CCDC171: variants seen among roughly 807,000 people sequenced by gnomAD.
The protein encoded by CCDC171 is coiled-coil domain containing 171.
In CCDC171, 177 loss-of-function variants were observed where a neutral mutation model predicts 168.2. The observed-to-expected ratio is 1.05, with a 90% CI of 0.93 to 1.19. The LOEUF is 1.19. CCDC171 is among the 50% of genes most tolerant of loss of function. The pLI, the probability that CCDC171 is intolerant of heterozygous loss-of-function variation, is 0.00. For missense variants in CCDC171, 1,991 were observed against 1,539.0 expected (o/e 1.29, Z -4.91); for synonymous variants, 687 against 540.8 (o/e 1.27, Z -3.75).
At chr9:15,676,353 C>T (rs1018737917) in intron 9 of CCDC171, among the ~76,000 whole-genome samples, 10 of 152,028 alleles carry the variant, frequency 6.6e-5, no homozygotes, top group African/African-American at 2.2e-4. Context: ...TTGTTATTAC[C>T]GACCTTCTGA....
chr9:15,579,007 C>A lies in CCDC171; in HGVS notation c.336C>A (p.Ile112=), dbSNP rs771541600. 6.2e-7 allele frequency: 1 copy of A among 1,613,244 alleles called. No homozygotes were observed. The highest frequency in any genetic ancestry group is 1.1e-5 in the South Asian group (1 of 90,988). ...AEERLAEAHR[I]QEKLCAQNSE... ...AAAGATTAGCCGAGGCACATAGGAT[C>A]CAAGAAAAACTCTGTGGTAAGACTG... The change falls in exon 4 of 26, where the codon ATC becomes ATA. Residue 112 remains isoleucine, a synonymous_variant. Transcript: ENST00000380701.
chr9:15,908,872 C>T (rs192560028), intron 24 of CCDC171, among the ~76,000 whole-genome samples: 8 of 152,180 alleles, frequency 5.3e-5, no homozygotes, highest in East Asian at 1.9e-4. Context: ...GAGGGATCTC[C>T]GCTCATGATC....
chr9:15,630,300 A>G (rs990566715), intron 7 of CCDC171, among the ~76,000 whole-genome samples: 4 of 152,230 alleles, frequency 2.6e-5, no homozygotes, highest in Admixed American at 2.6e-4. Flanking sequence ...GCAGAGACAC[A>G]CATAGGCTCA....
At chr9:15,597,315 G>C (rs927579059) in intron 6 of CCDC171, among the ~76,000 whole-genome samples, 8 of 152,174 alleles carry the variant, frequency 5.3e-5, no homozygotes, top group African/African-American at 1.9e-4. Flanking sequence ...TTTGAGATAC[G>C]TCCCATCAAT....
chr9:15,917,279 T>TA (rs1824660300), intron 24 of CCDC171, among the ~76,000 whole-genome samples: 1 of 151,912 alleles, frequency 6.6e-6, no homozygotes, highest in Non-Finnish European at 1.5e-5. Flanking sequence ...AAGGAGACTT[T>TA]TGTTTAGAAG....
intron 24 of CCDC171, among the ~76,000 whole-genome samples, chr9:15,883,453 T>TTGAGAG (rs1818984066): frequency 6.6e-6 from 1 of 152,186 alleles, no homozygotes; most frequent in South Asian, 2.1e-4. Context: ...CTTCTGTCTC[T>TTGAGAG]CAACTCCTTC....
At chr9:15,583,114 G>T (rs2041263085) in intron 4 of CCDC171, among the ~76,000 whole-genome samples, 2 of 152,010 alleles carry the variant, frequency 1.3e-5, no homozygotes, top group Non-Finnish European at 2.9e-5. Context: ...ACCAATGAGT[G>T]GATAAAGAAA....
intron 18 of CCDC171, among the ~76,000 whole-genome samples, chr9:15,752,169 G>C (rs2055792989): frequency 6.6e-6 from 1 of 152,158 alleles, no homozygotes; most frequent in South Asian, 2.1e-4. Context: ...ATCATCACTG[G>C]TCATCAGAGA....
At chr9:15,707,960 G>A (rs1048158261) in intron 11 of CCDC171, among the ~76,000 whole-genome samples, 1 of 152,166 alleles carries the variant, frequency 6.6e-6, no homozygotes, top group African/African-American at 2.4e-5. Flanking sequence ...CACTTCTCCA[G>A]CCTCAGCCTC....
At chr9:15,756,059 G>A (rs1370260644) in intron 18 of CCDC171, among the ~76,000 whole-genome samples, 1 of 152,136 alleles carries the variant, frequency 6.6e-6, no homozygotes, top group Non-Finnish European at 1.5e-5. Flanking sequence ...TTACCCAGCA[G>A]TTTTCTCTTC....
In CCDC171 at chr9:15,722,715, C is replaced by T. The variant is rs182648789; in HGVS notation, c.1425+840C>T. Among the ~76,000 whole-genome samples the T allele has an allele frequency of 3.0e-3, 453 of 152,168 alleles. 2 individuals are homozygous for T. The highest frequency in any genetic ancestry group is 4.6e-3 in the Non-Finnish European group (315 of 68,004). ...ACGGTTACATTTCACATTTCATATG[C>T]GGCTTATTTTATTTTAGCTTGCTAA... On this transcript the variant is annotated intron_variant, in intron 12 of 25. Transcript: ENST00000380701.
intron 24 of CCDC171, among the ~76,000 whole-genome samples, chr9:15,914,132 C>G (rs1027834071): frequency 6.6e-6 from 1 of 152,188 alleles, no homozygotes; most frequent in Non-Finnish European, 1.5e-5. Context: ...CAGGGACCCC[C>G]TTGAGGAGGC....
At chr9:15,921,930 A>G (rs958464928) in intron 25 of CCDC171, among the ~76,000 whole-genome samples, 2 of 151,592 alleles carry the variant, frequency 1.3e-5, no homozygotes, top group Non-Finnish European at 3.0e-5. Flanking sequence ...TAATATGAAA[A>G]CAATTACTTG....
chr9:15,891,938 A>T (rs1820267557), intron 24 of CCDC171, among the ~76,000 whole-genome samples: 1 of 152,174 alleles, frequency 6.6e-6, no homozygotes, highest in African/African-American at 2.4e-5. Flanking sequence ...ACGCATGAGG[A>T]TGGGAAAGGG....
intron 11 of CCDC171, among the ~76,000 whole-genome samples, chr9:15,701,321 C>G (rs552499082): frequency 1.3e-5 from 2 of 152,264 alleles, no homozygotes; most frequent in South Asian, 2.1e-4. Context: ...TTGCCTAGAT[C>G]AGTGTCCTGA....
chr9:15,892,322 G>A (rs572010091), intron 24 of CCDC171, among the ~76,000 whole-genome samples: 46 of 152,230 alleles, frequency 3.0e-4, no homozygotes, highest in African/African-American at 1.1e-3. Context: ...AATTCGGTAT[G>A]ATATTGGCTG....
intron 16 of CCDC171, among the ~76,000 whole-genome samples, chr9:15,738,956 C>A (rs1026769680): frequency 6.6e-6 from 1 of 152,020 alleles, no homozygotes; most frequent in African/African-American, 2.4e-5. Flanking sequence ...TATTTAATTC[C>A]TTCAATATTT....
chr9:16,046,758 T>A (rs1318073768), intron 1 of CCDC171, among the ~76,000 whole-genome samples: 1 of 152,204 alleles, frequency 6.6e-6, no homozygotes, highest in African/African-American at 2.4e-5. Flanking sequence ...AGATGTGCCT[T>A]TCACCTTCCA....
At chr9:15,872,502 C>T (rs1295374056) in intron 23 of CCDC171, among the ~76,000 whole-genome samples, 2 of 151,980 alleles carry the variant, frequency 1.3e-5, no homozygotes, top group Non-Finnish European at 1.5e-5. Flanking sequence ...GGTTTTTTTC[C>T]CCTCTCTTTG....
Sources: gnomAD v4.1 joint callset for allele counts (sites outside exome capture counted in the v4.1 genomes callset) on GRCh38, gnomAD v4.1.1 for gene constraint, MANE v1.5 for transcripts, NCBI Gene and HGNC (gene_info 2026-07-23, HGNC 2026-07-21) for gene names.